FMN1: variants seen among roughly 807,000 people sequenced by gnomAD.
FMN1 encodes formin-1.
A neutral mutation model predicts 132.4 loss-of-function variants in FMN1; 110 were observed. That is an observed-to-expected ratio of 0.83 (90% CI 0.71 to 0.97). FMN1 has a LOEUF of 0.97. Ranked by LOEUF, FMN1 falls within the 50% of genes least tolerant of loss-of-function variation. The pLI is 0.00. For synonymous variants in FMN1, 722 were observed against 651.7 expected, an observed-to-expected ratio of 1.11 and a Z score of -1.64; for missense variants, 1,792 against 1,705.3, an observed-to-expected ratio of 1.05 and a Z score of -0.90.
intron 6 of FMN1, among the ~76,000 whole-genome samples, chr15:33,017,308 G>A (rs920071041): frequency 6.6e-6 from 1 of 151,522 alleles, no homozygotes; most frequent in Non-Finnish European, 1.5e-5. Flanking sequence ...TGTAAACTGT[G>A]GACTTTAGTT....
At chr15:32,930,588 G>C (rs1244031905) in intron 9 of FMN1, among the ~76,000 whole-genome samples, 4 of 151,938 alleles carry the variant, frequency 2.6e-5, no homozygotes, top group Non-Finnish European at 5.9e-5. Context: ...ATTTTTATCA[G>C]ACATATGGTT....
At chr15:32,971,516 C>T (rs1285876993) in intron 7 of FMN1, among the ~76,000 whole-genome samples, 2 of 152,162 alleles carry the variant, frequency 1.3e-5, no homozygotes, top group African/African-American at 2.4e-5. Context: ...CTTCATTTCT[C>T]TCTCTCTTTC....
chr15:32,907,205 C>T lies in FMN1; in HGVS notation c.3377+1285G>A, dbSNP rs181445075. Among the ~76,000 whole-genome samples, 326 of 152,116 alleles carry T rather than the reference C, an allele frequency of 2.1e-3. 1 individual carries two copies. Among genetic ancestry groups the T allele is most frequent in the Non-Finnish European group, 2.1e-3 (145 of 67,970 alleles). ...GTGCACTTTATTTCCATTATTATTACATTGTAACATACAATGATATAATTA... is the reference window on the plus strand; with the variant it reads ...GTGCACTTTATTTCCATTATTATTATATTGTAACATACAATGATATAATTA... On this transcript the variant is annotated intron_variant, in intron 12 of 20. Coordinates refer to ENST00000616417, the MANE Select transcript of FMN1 (RefSeq NM_001277313.2).
At chr15:32,961,628 A>G (rs186753831) in intron 9 of FMN1, among the ~76,000 whole-genome samples, 50 of 152,350 alleles carry the variant, frequency 3.3e-4, no homozygotes, top group Non-Finnish European at 6.0e-4. Context: ...TAGTAGTAAC[A>G]GTAGCAAAAA....
intron 7 of FMN1, among the ~76,000 whole-genome samples, chr15:32,978,964 C>A (rs1227015638): frequency 6.6e-6 from 1 of 152,076 alleles, no homozygotes; most frequent in Non-Finnish European, 1.5e-5. Flanking sequence ...TAAAAAGGGG[C>A]CAGCTGTTGA....
intron 16 of FMN1, among the ~76,000 whole-genome samples, chr15:32,882,826 T>A (rs1274079562): frequency 2.0e-5 from 3 of 152,230 alleles, no homozygotes; most frequent in African/African-American, 7.2e-5. Context: ...ACCATTTTGC[T>A]TCCTAAGATA....
chr15:33,018,529 G>C (rs2035209030), intron 6 of FMN1, among the ~76,000 whole-genome samples: 1 of 152,168 alleles, frequency 6.6e-6, no homozygotes, highest in South Asian at 2.1e-4. Flanking sequence ...CTGGACAGCT[G>C]AACACGAAAA....
intron 16 of FMN1, among the ~76,000 whole-genome samples, chr15:32,882,139 A>AT (rs2059786081): frequency 6.6e-6 from 1 of 152,132 alleles, no homozygotes; most frequent in Admixed American, 6.5e-5. Context: ...ATTCAATCCA[A>AT]TTTTTATCTG....
intron 5 of FMN1, chr15:33,066,888 T>C (rs2037756311): frequency 1.9e-6 from 3 of 1,614,004 alleles, no homozygotes; most frequent in Non-Finnish European, 2.5e-6. Flanking sequence ...TTCGGATCAG[T>C]TGCTTTCTTC....
intron 6 of FMN1, among the ~76,000 whole-genome samples, chr15:33,026,096 T>TACACACAC (rs58334971): frequency 1.9e-3 from 275 of 144,812 alleles, no homozygotes; most frequent in Middle Eastern, 3.4e-3. Context: ...TGCTTAGGCA[T>TACACACAC]ACACACACAC....
chr15:32,932,870 T>G (rs535599819), intron 9 of FMN1, among the ~76,000 whole-genome samples: 1 of 152,288 alleles, frequency 6.6e-6, no homozygotes, highest in African/African-American at 2.4e-5. Context: ...TATATACTTG[T>G]GTTTTCTTTT....
intron 9 of FMN1, among the ~76,000 whole-genome samples, chr15:32,952,751 G>A (rs766741977): frequency 9.9e-5 from 15 of 152,072 alleles, no homozygotes; most frequent in Non-Finnish European, 1.6e-4. Context: ...TGCCTAATGC[G>A]ACTAATAAGG....
chr15:32,785,244 A>G lies in FMN1; in HGVS notation c.4131-8325T>C, dbSNP rs1476426283. On this transcript the variant is annotated intron_variant, in intron 19 of 20. Transcript: ENST00000616417. ...TTTTTTTTTTTTTTTTTTTGTAGAG[A>G]TGAGGTTTCACCATGTTGCCCAGGC... is the stretch of plus-strand genomic sequence containing the variant. Among the ~76,000 whole-genome samples, 122 of 53,258 alleles carry G rather than the reference A, an allele frequency of 2.3e-3. 2 individuals are homozygous for G. The highest frequency in any genetic ancestry group is 8.5e-3 in the African/African-American group (114 of 13,392). The allele number at this position is 53,258 out of a possible 152,430, so 34.9% of individuals were successfully genotyped here.
intron 10 of FMN1, among the ~76,000 whole-genome samples, chr15:32,918,107 T>A (rs68110693): frequency 0.36 from 54,070 of 149,238 alleles, 10,258 homozygotes; most frequent in African/African-American, 0.47. Flanking sequence ...AGAATTTCTT[T>A]AAAAAAAAAA....
At chr15:32,947,450 A>G (rs1488591515) in intron 9 of FMN1, among the ~76,000 whole-genome samples, 1 of 151,986 alleles carries the variant, frequency 6.6e-6, no homozygotes, top group African/African-American at 2.4e-5. Context: ...ATTTTCCTTT[A>G]TATGAGGTAG....
At chr15:33,051,577 A>C (rs1355954201) in intron 6 of FMN1, among the ~76,000 whole-genome samples, 1 of 152,226 alleles carries the variant, frequency 6.6e-6, no homozygotes, top group Non-Finnish European at 1.5e-5. Context: ...GGTGATCAGC[A>C]GCTTCCTAGT....
intron 7 of FMN1, among the ~76,000 whole-genome samples, chr15:32,972,434 A>G (rs1261633143): frequency 6.6e-6 from 1 of 152,038 alleles, no homozygotes; most frequent in African/African-American, 2.4e-5. Context: ...CTTTCACCCA[A>G]TTACTGGCTT....
At chr15:32,998,993 T>C (rs1038165973) in intron 7 of FMN1, among the ~76,000 whole-genome samples, 1 of 152,182 alleles carries the variant, frequency 6.6e-6, no homozygotes, top group African/African-American at 2.4e-5. Flanking sequence ...CCAAGAGGAA[T>C]CTCAACACTA....
intron 17 of FMN1, among the ~76,000 whole-genome samples, chr15:32,835,871 A>G (rs553179123): frequency 6.6e-6 from 1 of 151,958 alleles, no homozygotes; most frequent in Admixed American, 6.6e-5. Context: ...TATTATTATT[A>G]TTTTTTTGAG....
Sources: gnomAD v4.1 joint callset for allele counts (sites outside exome capture counted in the v4.1 genomes callset) on GRCh38, gnomAD v4.1.1 for gene constraint, MANE v1.5 for transcripts, NCBI Gene and HGNC (gene_info 2026-07-23, HGNC 2026-07-21) for gene names.